The following ANO2 variants were observed in gnomAD, a reference collection of about 807,000 sequenced individuals.
ANO2 encodes anoctamin-2.
In ANO2, 101 loss-of-function variants were observed where a neutral mutation model predicts 124.2. That is an observed-to-expected ratio of 0.81 (90% confidence interval 0.69 to 0.96). The LOEUF (loss-of-function observed/expected upper bound fraction) is 0.96, where lower values mean the gene tolerates loss of function less well. Ranked by LOEUF, ANO2 falls within the 40% of genes least tolerant of loss-of-function variation. The pLI, the probability that ANO2 is intolerant of heterozygous loss-of-function variation, is 0.00. For missense variants in ANO2, 1,293 were observed against 1,274.5 expected, an observed-to-expected ratio of 1.01 and a Z score of -0.22; for synonymous variants, 486 against 482.5, an observed-to-expected ratio of 1.01 and a Z score of -0.09.
rs376070837 is a variant in ANO2 at position 5,807,176 on chromosome 12, T to A, written c.948+137A>T. 5.5e-5 allele frequency: 37 copies of A among 667,956 alleles called. 2 individuals are homozygous for A. The East Asian group carries it at 5.6e-4, about 10-fold the overall frequency. The allele number at this position is 667,956 out of a possible 1,614,324, so 41.4% of individuals were successfully genotyped here. A position where few individuals can be genotyped will look rare whatever the true frequency, so the allele number is the denominator to read the frequency against. On this transcript the variant is annotated intron_variant, in intron 8 of 24. Coordinates refer to ENST00000682330, the MANE Select transcript of ANO2 (RefSeq NM_001364791.2). ...ATTGTCAGCAATGAGTGGTCCAGGGTCAGTCAAGGTATTTTAATGTCATGA... is the reference window on the plus strand; with the variant it reads ...ATTGTCAGCAATGAGTGGTCCAGGGACAGTCAAGGTATTTTAATGTCATGA...
chr12:5,822,951 G>A (rs911078972), intron 7 of ANO2, among the ~76,000 whole-genome samples: 2 of 151,954 alleles, frequency 1.3e-5, no homozygotes. Context: ...AGAAACCCCT[G>A]ATAAACCCAT....
Position 5,593,839 on chromosome 12 carries a change from G to A in ANO2, c.2233+5645C>T, listed in dbSNP as rs1291955872. On this transcript the variant is annotated intron_variant, in intron 20 of 24. Transcript: ENST00000682330. ...TGTAGCTAGCATGCAGCAGGGTTAG[G>A]TTTGAAAGCCCAGTGGTTCAACGGC... 4.6e-5 allele frequency among the ~76,000 whole-genome samples: 7 copies of A among 152,178 alleles called. No homozygotes were observed. In the South Asian group the frequency reaches 6.2e-4, roughly 14 times the overall value.
In ANO2 at chr12:5,658,797, T is replaced by TATC. The variant is rs56837019; in HGVS notation, c.1546-10999_1546-10997dup. On this transcript the variant is annotated intron_variant, in intron 14 of 24. Transcript: ENST00000682330. The surrounding 1 kb of genome is among the most constrained non-coding windows in gnomAD (Gnocchi z 4.3). ...GCATCAATATTATCATTGTCATCAATATCATCATCATCAACATCATCATTA... is the reference window on the plus strand; with the variant it reads ...GCATCAATATTATCATTGTCATCAATATCATCATCATCATCAACATCATCATTA... 6.6e-6 allele frequency among the ~76,000 whole-genome samples: 1 copy of TATC among 150,798 alleles called. No individual in the cohort carries two copies. Among genetic ancestry groups the TATC allele is most frequent in the South Asian group, 2.1e-4 (1 of 4,700 alleles).
intron 4 of ANO2, among the ~76,000 whole-genome samples, chr12:5,852,705 G>A (rs1954949123): frequency 1.3e-5 from 2 of 152,090 alleles, no homozygotes; most frequent in Non-Finnish European, 2.9e-5. Context: ...GAGGGGGCAG[G>A]TGATCACAGT....
chr12:5,730,463 G>A (rs534504923), intron 14 of ANO2, among the ~76,000 whole-genome samples: 2 of 152,254 alleles, frequency 1.3e-5, no homozygotes, highest in South Asian at 4.2e-4. Flanking sequence ...GTAAGGAGAG[G>A]TGAGGATATG....
At chr12:5,873,226 TC>T (rs1937841546) in intron 3 of ANO2, among the ~76,000 whole-genome samples, 6 of 151,024 alleles carry the variant, frequency 4.0e-5, no homozygotes, top group African/African-American at 1.2e-4. Context: ...TCTCTCTCTC[TC>T]TCTCTCTCTC....
At chr12:5,848,024 A>G (rs945143473) in intron 4 of ANO2, among the ~76,000 whole-genome samples, 9 of 152,160 alleles carry the variant, frequency 5.9e-5, no homozygotes, top group South Asian at 2.1e-4. Context: ...ATTTTCACAC[A>G]TTACTCTGTA....
At chr12:5,927,956 G>C (rs551208526) in intron 1 of ANO2, among the ~76,000 whole-genome samples, 1 of 152,336 alleles carries the variant, frequency 6.6e-6, no homozygotes, top group East Asian at 1.9e-4. Flanking sequence ...GTAAGAGTGA[G>C]AGAAGCTTGG....
intron 4 of ANO2, among the ~76,000 whole-genome samples, chr12:5,840,723 C>A (rs1270226700): frequency 6.6e-6 from 1 of 152,216 alleles, no homozygotes; most frequent in Non-Finnish European, 1.5e-5. Context: ...GCAGACCAGA[C>A]CTAAGAACAG....
At chr12:5,564,291 A>G (rs541303968) in intron 24 of ANO2, among the ~76,000 whole-genome samples, 1 of 152,340 alleles carries the variant, frequency 6.6e-6, no homozygotes, top group South Asian at 2.1e-4. Context: ...TTGCTGGTGC[A>G]CACAGTAGGC....
chr12:5,576,025 A>C lies in ANO2; in HGVS notation c.2440-10T>G. 1.9e-6 allele frequency: 3 copies of C among 1,595,560 alleles called. No individual in the cohort carries two copies. The highest frequency in any genetic ancestry group is 2.6e-6 in the Non-Finnish European group (3 of 1,170,292). On this transcript the variant is annotated splice_polypyrimidine_tract_variant and intron_variant, in intron 22 of 24. Transcript: ENST00000682330. ...TCGCAATGACAAAAGCCTGAGGGAC[A>C]GAACCATAAGCACTGAGTAGCCAGG...
intron 20 of ANO2, among the ~76,000 whole-genome samples, chr12:5,582,977 C>A (rs961014283): frequency 6.6e-6 from 1 of 152,140 alleles, no homozygotes; most frequent in Non-Finnish European, 1.5e-5. Context: ...CCTTGACACG[C>A]CTCTCTGTTT....
chr12:5,646,202 G>A (rs939542267), intron 15 of ANO2, among the ~76,000 whole-genome samples: 13 of 152,154 alleles, frequency 8.5e-5, no homozygotes, highest in African/African-American at 2.2e-4. Context: ...TAGGTTTGCC[G>A]AGATGGGAAA....
intron 13 of ANO2, among the ~76,000 whole-genome samples, chr12:5,735,342 C>A (rs1190403507): frequency 6.6e-6 from 1 of 152,046 alleles, no homozygotes. Context: ...GAGGAAGAAC[C>A]CAAGCCTGCT....
chr12:5,610,219 A>G (rs1186403981), intron 19 of ANO2, among the ~76,000 whole-genome samples: 40 of 129,536 alleles, frequency 3.1e-4, no homozygotes, highest in South Asian at 9.4e-4. Context: ...ACTTATATAA[A>G]TATATACTTA....
intron 16 of ANO2, among the ~76,000 whole-genome samples, chr12:5,633,467 A>G (rs1945836805): frequency 6.6e-6 from 1 of 152,180 alleles, no homozygotes; most frequent in African/African-American, 2.4e-5. Context: ...GGCCAGGAAG[A>G]TGGTACTGTT....
chr12:5,933,815 T>C (rs554477527), intron 1 of ANO2, among the ~76,000 whole-genome samples: 94 of 152,232 alleles, frequency 6.2e-4, no homozygotes, highest in African/African-American at 2.1e-3. Context: ...GCATGTCCTC[T>C]CCACTAAGCT....
intron 14 of ANO2, among the ~76,000 whole-genome samples, chr12:5,712,903 G>A (rs1949867171): frequency 6.6e-6 from 1 of 152,234 alleles, no homozygotes; most frequent in Admixed American, 6.5e-5. Flanking sequence ...ATGTCAGGGA[G>A]TGGGAGGTGA....
chr12:5,739,490 G>T, intron 12 of ANO2, 91 bp from the exon 13 acceptor site: 2 of 1,075,628 alleles, frequency 1.9e-6, no homozygotes, highest in Non-Finnish European at 2.7e-6. Flanking sequence ...TGGGGGATAA[G>T]CTATTTTAAA....
Sources: gnomAD v4.1 joint callset for allele counts (sites outside exome capture counted in the v4.1 genomes callset) on GRCh38, gnomAD v4.1.1 for gene constraint, Gnocchi (gnomAD v3.1) non-coding constraint, MANE v1.5 for transcripts, NCBI Gene and HGNC (gene_info 2026-07-23, HGNC 2026-07-21) for gene names.